Variants in LZTFL1 observed in about 807,000 individuals in gnomAD.
The protein encoded by LZTFL1 is leucine zipper transcription factor-like protein 1.
LZTFL1 carries 25 observed loss-of-function variants against 45.9 expected under a neutral mutation model. The observed-to-expected ratio is 0.54, with a 90% confidence interval of 0.40 to 0.76. LZTFL1 has a LOEUF of 0.76. Ranked by LOEUF, LZTFL1 falls within the 30% of genes least tolerant of loss-of-function variation. The pLI is 0.00. For synonymous variants in LZTFL1, 93 were observed against 117.4 expected (o/e 0.79, Z 1.35); for missense variants, 277 against 331.1 (o/e 0.84, Z 1.27).
chr3:45,910,128 T>C (rs771600620), intron 2 of LZTFL1, among the ~76,000 whole-genome samples: 1 of 152,144 alleles, frequency 6.6e-6, no homozygotes, highest in South Asian at 2.1e-4. Flanking sequence ...ATCCAATTCA[T>C]GTTTTAAAGA....
Position 45,826,253 on chromosome 3 carries a change from T to A in LZTFL1, c.*61A>T, listed in dbSNP as rs1700658255. ...ATGACAAAATGCTTTTCAAAATACATGCCTGAGGTGAGACTGCTTGTATGT... is the reference window on the plus strand; with the variant it reads ...ATGACAAAATGCTTTTCAAAATACAAGCCTGAGGTGAGACTGCTTGTATGT... On this transcript the variant is annotated 3_prime_UTR_variant, in exon 10 of 10. Transcript: ENST00000296135. The A allele has an allele frequency of 3.4e-6, 5 of 1,473,724 alleles. No individual in the cohort carries two copies. Among genetic ancestry groups the A allele is most frequent in the Non-Finnish European group, 4.7e-6 (5 of 1,056,942 alleles). 91.3% of individuals were successfully genotyped at this position (1,473,724 alleles called of 1,614,324 possible).
Position 45,910,817 on chromosome 3 carries a change from A to G in LZTFL1, c.-215+2303T>C, listed in dbSNP as rs184373893. The stretch of plus-strand genomic sequence containing the variant: ...ATTTAGTGGTATAAAAACAATAACC[A>G]TTTTATTTTATTCGCCATTTTGTGA... On this transcript the variant is annotated intron_variant, in intron 2 of 4. Transcript: ENST00000472635. Among the ~76,000 whole-genome samples, 210 of 152,302 alleles carry G rather than the reference A, an allele frequency of 1.4e-3. 1 individual carries two copies. The highest frequency in any genetic ancestry group is 4.1e-3 in the Admixed American group (63 of 15,302).
intron 4 of LZTFL1, among the ~76,000 whole-genome samples, chr3:45,853,099 C>T (rs1362844624): frequency 6.6e-6 from 1 of 152,148 alleles, no homozygotes; most frequent in Non-Finnish European, 1.5e-5. Context: ...GTAGGTGGAA[C>T]AGATGGAAGG....
At chr3:45,860,222 AT>A (rs1701463479) in intron 2 of LZTFL1, among the ~76,000 whole-genome samples, 1 of 152,196 alleles carries the variant, frequency 6.6e-6, no homozygotes, top group South Asian at 2.1e-4. Flanking sequence ...AAATAAATAA[AT>A]AAATAAGTAA....
At chr3:45,913,664 T>C (rs1031214962) in intron 1 of LZTFL1, among the ~76,000 whole-genome samples, 6 of 152,212 alleles carry the variant, frequency 3.9e-5, no homozygotes, top group South Asian at 4.1e-4. Context: ...TCTCTAGTCA[T>C]AATTGAAGGA....
chr3:45,844,979 T>A (rs1269263116), upstream of LZTFL1, among the ~76,000 whole-genome samples: 1 of 152,188 alleles, frequency 6.6e-6, no homozygotes, highest in East Asian at 1.9e-4. Context: ...ATAATCTCAA[T>A]GCATTAACAA....
At chr3:45,834,394 C>A (rs2125684964) in intron 3 of LZTFL1, 96 bp from the exon 4 acceptor site, 2 of 756,008 alleles carry the variant, frequency 2.6e-6, no homozygotes, top group South Asian at 1.7e-5. Context: ...CCATTACATG[C>A]CAGAGAGAAC....
At chr3:45,915,506 C>G (rs952723845) in exon 1 of LZTFL1, 2 of 456,238 alleles carry the variant, frequency 4.4e-6, no homozygotes, top group Middle Eastern at 3.2e-4. Context: ...GAGCAGAAAG[C>G]GGGGGAGACC....
At position 45,870,775 on chromosome 3, in the gene LZTFL1, C is replaced by T. The variant is rs142017321; in HGVS notation, c.-214-11759G>A. Among the ~76,000 whole-genome samples the T allele has an allele frequency of 1.3e-4, 20 of 152,286 alleles. No homozygotes were observed. In the East Asian group the frequency reaches 2.7e-3, roughly 21 times the overall value. On this transcript the variant is annotated intron_variant, in intron 2 of 4. Transcript: ENST00000472635. ...AAAGCACTCGTTGATTACAGACAAA[C>T]GAAACGTCTCCTTCACCACCTTCCA...
intron 9 of LZTFL1, among the ~76,000 whole-genome samples, chr3:45,826,903 T>C (rs977964519): frequency 6.6e-6 from 1 of 152,242 alleles, no homozygotes; most frequent in Non-Finnish European, 1.5e-5. Flanking sequence ...ATACTAATCC[T>C]ATGTAGAACA....
At chr3:45,863,340 T>C (rs1218420257) in intron 2 of LZTFL1, among the ~76,000 whole-genome samples, 1 of 152,216 alleles carries the variant, frequency 6.6e-6, no homozygotes, top group Non-Finnish European at 1.5e-5. Flanking sequence ...TTGCAATTCC[T>C]AATGAGAATG....
chr3:45,895,578 G>A (rs552483500), intron 2 of LZTFL1, among the ~76,000 whole-genome samples: 1 of 152,326 alleles, frequency 6.6e-6, no homozygotes, highest in South Asian at 2.1e-4. Context: ...GCTAGGTGTG[G>A]TGGCATGCGC....
chr3:45,856,307 T>C (rs1221262504), intron 3 of LZTFL1, among the ~76,000 whole-genome samples: 2 of 152,140 alleles, frequency 1.3e-5, no homozygotes, highest in African/African-American at 2.4e-5. Context: ...ATTTAATAAA[T>C]GTGCTGAGAA....
chr3:45,913,776 C>T (rs962159526), intron 1 of LZTFL1, among the ~76,000 whole-genome samples: 5 of 152,158 alleles, frequency 3.3e-5, no homozygotes, highest in African/African-American at 1.2e-4. Context: ...TAGGAACTCC[C>T]TCCTAAACTG....
At position 45,831,122 on chromosome 3, in the gene LZTFL1, T is replaced by A; in HGVS notation, c.473A>T (p.Gln158Leu). 2 of 1,587,690 alleles carry A rather than the reference T, an allele frequency of 1.3e-6. No homozygotes were observed. The highest frequency in any genetic ancestry group is 1.7e-6 in the Non-Finnish European group (2 of 1,168,252). ...ELLNKEILRL[Q>L]EENEKLKSRL... ...TGACTTCAATTTCTCATTCTCTTCT[T>A]GAAGTCTTAAAATTTCCTTTGTGAG... Residue 158 changes from glutamine to leucine, a missense_variant, in exon 6 of 10, where the codon CAA becomes CTA. By Grantham distance (113) the Gln-to-Leu change is moderately radical. Coordinates refer to ENST00000296135, the MANE Select transcript of LZTFL1 (RefSeq NM_020347.4).
At chr3:45,843,356 A>G (rs548856242), upstream of LZTFL1, among the ~76,000 whole-genome samples, 1 of 152,322 alleles carries the variant, frequency 6.6e-6, no homozygotes, top group East Asian at 1.9e-4. Context: ...TAATCCTCAT[A>G]ATACGTGGTT....
intron 2 of LZTFL1, chr3:45,902,707 GC>G (rs1320660318): frequency 2.4e-5 from 4 of 167,120 alleles, no homozygotes; most frequent in Non-Finnish European, 5.9e-5. Context: ...GCCAGCCTTG[GC>G]CCTGTTGTAG....
chr3:45,838,146 C>A, intron 1 of LZTFL1, 95 bp from the exon 2 acceptor site: 1 of 1,310,006 alleles, frequency 7.6e-7, no homozygotes, highest in Admixed American at 2.4e-5. Flanking sequence ...GTCGAGACTG[C>A]TAGATCTCCA....
rs1012041744 is a variant in LZTFL1 at position 45,900,120 on chromosome 3, G to T, written c.-215+13000C>A. 1.3e-5 allele frequency among the ~76,000 whole-genome samples: 2 copies of T among 152,150 alleles called. No homozygotes were observed. The highest frequency in any genetic ancestry group is 2.4e-5 in the African/African-American group (1 of 41,432). On this transcript the variant is annotated intron_variant, in intron 2 of 4. Coordinates refer to the LZTFL1 transcript ENST00000472635. The surrounding 1 kb of genome is among the most constrained non-coding windows in gnomAD (Gnocchi z 4.7). ...GTGCAACCCACACAGTCACATAGGGGCCCTGTGCTTAGAAGTGCTGCTTGT... is the reference window on the plus strand; with the variant it reads ...GTGCAACCCACACAGTCACATAGGGTCCCTGTGCTTAGAAGTGCTGCTTGT...
Sources: allele counts gnomAD v4.1 joint callset (sites outside exome capture counted in the v4.1 genomes callset), GRCh38; gene constraint gnomAD v4.1.1; non-coding constraint Gnocchi (gnomAD v3.1); transcripts MANE v1.5; gene names NCBI Gene and HGNC (gene_info 2026-07-23, HGNC 2026-07-21).